ANKRD22: variants seen among roughly 807,000 people sequenced by gnomAD.
ANKRD22 encodes ankyrin repeat domain-containing protein 22.
ANKRD22 carries 24 observed loss-of-function variants against 25.7 expected under a neutral mutation model. The ratio of observed to expected loss-of-function variants is 0.93; its 90% CI spans 0.68 to 1.31. ANKRD22 has a LOEUF of 1.31. ANKRD22 is among the 50% of genes most tolerant of loss of function. ANKRD22 has a pLI of 0.00. For synonymous variants in ANKRD22, 84 were observed against 84.3 expected (o/e 1.00, Z 0.02); for missense variants, 214 against 227.1 (o/e 0.94, Z 0.37).
chr10:88,850,961 T>A (rs1371040479), intron 1 of ANKRD22, among the ~76,000 whole-genome samples: 1 of 152,158 alleles, frequency 6.6e-6, no homozygotes, highest in Non-Finnish European at 1.5e-5. Flanking sequence ...TGTCTAAACA[T>A]TCCTTGCTTG....
At chr10:88,849,930 C>T (rs987850018) in intron 1 of ANKRD22, among the ~76,000 whole-genome samples, 1 of 151,902 alleles carries the variant, frequency 6.6e-6, no homozygotes, top group Non-Finnish European at 1.5e-5. Context: ...ACTATTAGCA[C>T]TGCAAAGCTC....
Position 88,823,214 on chromosome 10 carries a change from C to T in ANKRD22, c.498+66G>A, listed in dbSNP as rs747229375. The T allele has an allele frequency of 6.6e-5, 94 of 1,415,316 alleles. No homozygotes were observed. The Admixed American group carries it at 7.0e-4, about 10-fold the overall frequency. The allele number at this position is 1,415,316 out of a possible 1,614,324, so 87.7% of individuals were successfully genotyped here. A position where few individuals can be genotyped will look rare whatever the true frequency, so the allele number is the denominator to read the frequency against. Reference sequence around the variant, plus strand: ...GTCAGAGGCAAATAATTTACTTCAACATAAGGCCTAGATTAGAAGATGCTG... The same window carrying T: ...GTCAGAGGCAAATAATTTACTTCAATATAAGGCCTAGATTAGAAGATGCTG... On this transcript the variant is annotated intron_variant, in intron 5 of 5. Transcript: ENST00000371930.
intron 1 of ANKRD22, among the ~76,000 whole-genome samples, chr10:88,848,566 AT>A (rs547581166): frequency 6.6e-6 from 1 of 152,050 alleles, no homozygotes; most frequent in South Asian, 2.1e-4. Flanking sequence ...TGAGAATGCA[AT>A]TTTTTCCCCA....
chr10:88,851,381 T>C (rs1844103162), intron 1 of ANKRD22, among the ~76,000 whole-genome samples: 1 of 152,198 alleles, frequency 6.6e-6, no homozygotes. Context: ...CTAGCTAATA[T>C]TTTAGAATTA....
At chr10:88,831,227 CAG>C (rs2133073278) in intron 2 of ANKRD22, among the ~76,000 whole-genome samples, 1 of 152,330 alleles carries the variant, frequency 6.6e-6, no homozygotes, top group South Asian at 2.1e-4. Context: ...AGGATTTTCA[CAG>C]CAATACACAC....
chr10:88,823,405 G>C (rs1175480616), intron 4 of ANKRD22, 27 bp from the exon 5 acceptor site: 1 of 1,572,532 alleles, frequency 6.4e-7, no homozygotes, highest in South Asian at 1.1e-5. Context: ...CAAAACTTCA[G>C]CTCATAAGTC....
chr10:88,832,334 G>A (rs1010647756), intron 1 of ANKRD22, among the ~76,000 whole-genome samples: 1 of 152,032 alleles, frequency 6.6e-6, no homozygotes, highest in African/African-American at 2.4e-5. Flanking sequence ...AGTGCTTACA[G>A]GTAGGTGGGC....
chr10:88,848,879 T>C (rs995522456), intron 1 of ANKRD22, among the ~76,000 whole-genome samples: 2 of 152,184 alleles, frequency 1.3e-5, no homozygotes, highest in African/African-American at 4.8e-5. Context: ...TCCCTAGGCA[T>C]TGTATATTTC....
chr10:88,836,831 C>T (rs1375247482), intron 1 of ANKRD22, among the ~76,000 whole-genome samples: 1 of 151,798 alleles, frequency 6.6e-6, no homozygotes. Context: ...AACAGAAAAA[C>T]GTTAAGACTC....
intron 1 of ANKRD22, among the ~76,000 whole-genome samples, chr10:88,839,958 C>A (rs1843989344): frequency 6.6e-6 from 1 of 152,080 alleles, no homozygotes; most frequent in Admixed American, 6.6e-5. Flanking sequence ...TTTAAATTTC[C>A]CTGGTGATTC....
At chr10:88,828,478 A>T in intron 3 of ANKRD22, 81 bp downstream of exon 3, 1 of 1,068,108 alleles carries the variant, frequency 9.4e-7, no homozygotes, top group Non-Finnish European at 1.4e-6. Flanking sequence ...TCTTTTCAAC[A>T]TCTCACTGGC....
intron 4 of ANKRD22, among the ~76,000 whole-genome samples, chr10:88,823,692 G>A (rs1170353458): frequency 6.6e-6 from 1 of 152,028 alleles, no homozygotes; most frequent in Non-Finnish European, 1.5e-5. Context: ...GCCGGGCGCG[G>A]TGGCGGGTGC....
intron 1 of ANKRD22, among the ~76,000 whole-genome samples, chr10:88,851,351 A>T (rs1006281092): frequency 6.6e-6 from 1 of 152,204 alleles, no homozygotes. Context: ...AATGTGTATT[A>T]TATTCATCTC....
At chr10:88,832,525 A>G (rs1843915497) in intron 1 of ANKRD22, among the ~76,000 whole-genome samples, 1 of 151,772 alleles carries the variant, frequency 6.6e-6, no homozygotes, top group East Asian at 2.0e-4. Flanking sequence ...CTTTATCTTT[A>G]CTAAAGATAA....
intron 2 of ANKRD22, among the ~76,000 whole-genome samples, chr10:88,830,283 T>G (rs1403559250): frequency 6.6e-6 from 1 of 152,248 alleles, no homozygotes; most frequent in Non-Finnish European, 1.5e-5. Context: ...AACTTAAACT[T>G]TCTGATCAAC....
intron 1 of ANKRD22, among the ~76,000 whole-genome samples, chr10:88,841,702 T>G (rs2133079560): frequency 6.6e-6 from 1 of 152,270 alleles, no homozygotes; most frequent in East Asian, 1.9e-4. Flanking sequence ...AAAACTTAAC[T>G]TCAGCTATTT....
intron 4 of ANKRD22, 45 bp from the exon 5 acceptor site, chr10:88,823,423 C>G: frequency 7.1e-7 from 1 of 1,408,180 alleles, no homozygotes; most frequent in Non-Finnish European, 1.0e-6. Flanking sequence ...GTCGGGCCCT[C>G]CACAGACCAT....
At chr10:88,835,686 C>T (rs537877614) in intron 1 of ANKRD22, among the ~76,000 whole-genome samples, 3 of 152,172 alleles carry the variant, frequency 2.0e-5, no homozygotes, top group Non-Finnish European at 4.4e-5. Context: ...TATAGGAACA[C>T]TGCTGTATAT....
At chr10:88,824,688 G>A (rs1843836285) in intron 4 of ANKRD22, among the ~76,000 whole-genome samples, 1 of 152,070 alleles carries the variant, frequency 6.6e-6, no homozygotes, top group Admixed American at 6.5e-5. Context: ...GTGTCACTGT[G>A]CCTAGCTGAA....
Sources: gnomAD v4.1 joint callset for allele counts (sites outside exome capture counted in the v4.1 genomes callset) on GRCh38, gnomAD v4.1.1 for gene constraint, MANE v1.5 for transcripts, NCBI Gene and HGNC (gene_info 2026-07-23, HGNC 2026-07-21) for gene names.